The following AKT2 variants were observed in gnomAD, a reference collection of about 807,000 sequenced individuals.
AKT2 encodes AKT serine/threonine kinase 2.
In AKT2, 16 loss-of-function variants were observed where a neutral mutation model predicts 58.6. That is an observed-to-expected ratio of 0.27 (90% CI 0.18 to 0.41). AKT2 has a LOEUF of 0.41. AKT2 is among the 10% of genes least tolerant of loss of function. The pLI, the probability that AKT2 is intolerant of heterozygous loss-of-function variation, is 1.00. For missense variants in AKT2, 438 were observed against 661.0 expected, an observed-to-expected ratio of 0.66 and a Z score of 3.70; for synonymous variants, 253 against 254.0, an observed-to-expected ratio of 1.00 and a Z score of 0.04.
chr19:40,267,752 G>A (rs748988781), intron 1 of AKT2, among the ~76,000 whole-genome samples: 54 of 152,110 alleles, frequency 3.6e-4, no homozygotes, highest in Non-Finnish European at 6.0e-4. Context: ...CCTAGACCCC[G>A]GATGGTACCA....
rs751543397 is a variant in AKT2 at position 40,235,272 on chromosome 19, G to C, written c.1254C>G (p.Val418=). ...FFLSINWQDV[V]QKKLLPPFKP... ...AAGCAGTGGGGCTCACCTTCTTCTGGACCACGTCCTGCCAGTTGATGCTGA... is the reference window on the plus strand; with the variant it reads ...AAGCAGTGGGGCTCACCTTCTTCTGCACCACGTCCTGCCAGTTGATGCTGA... The change falls in exon 12 of 14, where the codon GTC becomes GTG. Residue 418 remains valine, a synonymous_variant. Transcript: ENST00000392038. This position sits in a 1 kb window ranked among gnomAD's most constrained non-coding sequence, Gnocchi z 6.3. 6.2e-7 allele frequency: 1 copy of C among 1,613,968 alleles called. No homozygotes were observed.
At position 40,232,749 on chromosome 19, in the gene AKT2, C is replaced by T. The variant is rs1270537398; in HGVS notation, c.*1123G>A. Reference sequence around the variant, plus strand: ...ACACATGCACACACACCCACGTGTGCCTGCGTCCCGCCGACACACGCAGTC... The same window carrying T: ...ACACATGCACACACACCCACGTGTGTCTGCGTCCCGCCGACACACGCAGTC... On this transcript the variant is annotated 3_prime_UTR_variant, in exon 14 of 14. Transcript: ENST00000392038. 1 of 233,614 alleles carries T rather than the reference C, an allele frequency of 4.3e-6. No individual in the cohort carries two copies. The highest frequency in any genetic ancestry group is 6.0e-5 in the East Asian group (1 of 16,582). 14.5% of individuals were successfully genotyped at this position (233,614 alleles called of 1,614,324 possible).
At chr19:40,265,597 T>G in intron 1 of AKT2, 2 of 460,672 alleles carry the variant, frequency 4.3e-6, no homozygotes. Flanking sequence ...GACCCCAAAC[T>G]CAGGACACCC....
Position 40,235,262 on chromosome 19 carries a change from C to CCTT in AKT2, c.1261_1263dup (p.Lys421dup). 1.2e-6 allele frequency: 2 copies of CCTT among 1,614,036 alleles called. No homozygotes were observed. The highest frequency in any genetic ancestry group is 1.7e-6 in the Non-Finnish European group (2 of 1,180,004). On this transcript the variant is annotated inframe_insertion and splice_region_variant. Coordinates refer to ENST00000392038, the MANE Select transcript of AKT2 (RefSeq NM_001626.6). The surrounding 1 kb of genome is among the most constrained non-coding windows in gnomAD (Gnocchi z 6.3). ...CTGCTGGGGCAAGCAGTGGGGCTCA[C>CCTT]CTTCTTCTGGACCACGTCCTGCCAG...
Position 40,231,355 on chromosome 19 carries a change from C to A in AKT2, c.*2517G>T, listed in dbSNP as rs79799486. 4.1e-4 allele frequency: 95 copies of A among 233,044 alleles called. 1 individual carries two copies. In the East Asian group the frequency reaches 5.7e-3, roughly 14 times the overall value. The allele number at this position is 233,044 out of a possible 1,614,324, so 14.4% of individuals were successfully genotyped here. ...TGGGACGAGATGGAAGAGTAAAAGG[C>A]CTTTCTTCATAGGCCTGCCTATTTT... On this transcript the variant is annotated 3_prime_UTR_variant, in exon 14 of 14. Coordinates refer to ENST00000392038, the MANE Select transcript of AKT2 (RefSeq NM_001626.6).
At position 40,240,033 on chromosome 19, in the gene AKT2, A is replaced by T. The variant is rs1974293436; in HGVS notation, c.639+12T>A. On this transcript the variant is annotated intron_variant, in intron 7 of 13. Coordinates refer to ENST00000392038, the MANE Select transcript of AKT2 (RefSeq NM_001626.6). ...TGGCCTCACACTGTCTGGGAAGGGGAGGGCAACTCACAGTGAGGAACGGGT... is the reference window on the plus strand; with the variant it reads ...TGGCCTCACACTGTCTGGGAAGGGGTGGGCAACTCACAGTGAGGAACGGGT... 1 of 1,613,352 alleles carries T rather than the reference A, an allele frequency of 6.2e-7. No homozygotes were observed. The highest frequency in any genetic ancestry group is 2.2e-5 in the East Asian group (1 of 44,866).
intron 2 of AKT2, 114 bp downstream of exon 2, chr19:40,265,108 G>T: frequency 6.8e-7 from 1 of 1,479,490 alleles, no homozygotes; most frequent in Non-Finnish European, 9.2e-7. Flanking sequence ...CTGGGGCTGC[G>T]GAATGCTGGC....
chr19:40,235,198 A>G lies in AKT2; in HGVS notation c.1264-51T>C, dbSNP rs373377994. The G allele has an allele frequency of 6.2e-7, 1 of 1,613,686 alleles. No individual in the cohort carries two copies. ...AGGGACCCTGAGGCCAGGAGGCCTC[A>G]ACCAAGGTCACCACGAGTGGGCCAG... On this transcript the variant is annotated intron_variant, in intron 12 of 13. Coordinates refer to ENST00000392038, the MANE Select transcript of AKT2 (RefSeq NM_001626.6). The surrounding 1 kb of genome is among the most constrained non-coding windows in gnomAD (Gnocchi z 6.3).
At chr19:40,278,164 C>G (rs2077360362) in intron 1 of AKT2, among the ~76,000 whole-genome samples, 1 of 152,228 alleles carries the variant, frequency 6.6e-6, no homozygotes, top group Non-Finnish European at 1.5e-5. Flanking sequence ...ACAACAGTGA[C>G]AACTCCAGTC....
intron 6 of AKT2, 124 bp downstream of exon 6, chr19:40,241,814 G>T: frequency 7.0e-7 from 1 of 1,437,316 alleles, no homozygotes; most frequent in African/African-American, 1.4e-5. Context: ...TCTGACTAGG[G>T]GGAATTTGTG....
chr19:40,284,907 G>T (rs2077485812), intron 1 of AKT2: 1 of 286,348 alleles, frequency 3.5e-6, no homozygotes, highest in Non-Finnish European at 6.5e-6. Context: ...TCCAGCCCCC[G>T]GCCCGCGCAC....
intron 1 of AKT2, chr19:40,282,350 C>A (rs921327401): frequency 2.5e-6 from 1 of 392,528 alleles, no homozygotes; most frequent in Non-Finnish European, 5.1e-6. Flanking sequence ...GAGCTAGAAC[C>A]GACTTCACCG....
At position 40,234,991 on chromosome 19, in the gene AKT2, C is replaced by G. The variant is rs1197915662; in HGVS notation, c.1366+54G>C. ...TTGAGAAGTGAGTTAAGAGCAGATC[C>G]CATCCCTCCACCCCTGGGGCAGGCA... On this transcript the variant is annotated intron_variant, in intron 13 of 13. Transcript: ENST00000392038. The surrounding 1 kb of genome is among the most constrained non-coding windows in gnomAD (Gnocchi z 4.7). 2 of 1,480,334 alleles carry G rather than the reference C, an allele frequency of 1.4e-6. No homozygotes were observed. Among genetic ancestry groups the G allele is most frequent in the Admixed American group, 1.7e-5 (1 of 59,332 alleles). 91.7% of individuals were successfully genotyped at this position (1,480,334 alleles called of 1,614,324 possible).
At chr19:40,249,657 G>A (rs1975004180) in intron 4 of AKT2, among the ~76,000 whole-genome samples, 1 of 152,236 alleles carries the variant, frequency 6.6e-6, no homozygotes, top group Non-Finnish European at 1.5e-5. Flanking sequence ...GGCATCTGGG[G>A]CCCTCCCTGT....
chr19:40,255,896 G>C (rs1255039372), intron 3 of AKT2, among the ~76,000 whole-genome samples: 14 of 152,206 alleles, frequency 9.2e-5, no homozygotes, highest in Admixed American at 9.2e-4. Flanking sequence ...GGTGAGGCTG[G>C]AGGTTGGAAG....
rs756024865 is a variant in AKT2 at position 40,231,899 on chromosome 19, C to G, written c.*1973G>C. The G allele has an allele frequency of 4.3e-6, 1 of 233,338 alleles. No individual in the cohort carries two copies. The highest frequency in any genetic ancestry group is 2.2e-5 in the African/African-American group (1 of 45,354). 14.5% of individuals were successfully genotyped at this position (233,338 alleles called of 1,614,324 possible). A position where few individuals can be genotyped will look rare whatever the true frequency, so the allele number is the denominator to read the frequency against. Reference sequence around the variant, plus strand: ...GGGCCTCAAGGCTTCCAGGTGGCAGCATAAACAGGGAGGTGGGGCAGGATA... The same window carrying G: ...GGGCCTCAAGGCTTCCAGGTGGCAGGATAAACAGGGAGGTGGGGCAGGATA... On this transcript the variant is annotated 3_prime_UTR_variant, in exon 14 of 14. Transcript: ENST00000392038.
intron 1 of AKT2, chr19:40,274,961 A>G (rs2077284388): frequency 4.8e-6 from 2 of 413,914 alleles, no homozygotes; most frequent in Admixed American, 5.0e-5. Context: ...TTAGGGAGGC[A>G]GCCCTTCCTC....
intron 3 of AKT2, among the ~76,000 whole-genome samples, chr19:40,256,049 G>C (rs1975519995): frequency 6.6e-6 from 1 of 152,118 alleles, no homozygotes; most frequent in Admixed American, 6.5e-5. Flanking sequence ...GAATAGAGCT[G>C]GGAGAGGCCT....
In AKT2 at chr19:40,232,690, T is replaced by C. The variant is rs997532213; in HGVS notation, c.*1182A>G. ...GGATGGGGCCCAAGCCCACACACCATGCACACTGGAGGACACGCTGCCCTC... is the reference window on the plus strand; with the variant it reads ...GGATGGGGCCCAAGCCCACACACCACGCACACTGGAGGACACGCTGCCCTC... On this transcript the variant is annotated 3_prime_UTR_variant, in exon 14 of 14. Transcript: ENST00000392038. The C allele has an allele frequency of 1.3e-5, 3 of 233,298 alleles. No homozygotes were observed. The highest frequency in any genetic ancestry group is 1.7e-5 in the Non-Finnish European group (2 of 118,262). The allele number at this position is 233,298 out of a possible 1,614,324, so 14.5% of individuals were successfully genotyped here.
Sources: gnomAD v4.1 joint callset for allele counts (sites outside exome capture counted in the v4.1 genomes callset) on GRCh38, gnomAD v4.1.1 for gene constraint, Gnocchi (gnomAD v3.1) non-coding constraint, MANE v1.5 for transcripts, NCBI Gene and HGNC (gene_info 2026-07-23, HGNC 2026-07-21) for gene names.